Variants in ARHGAP42 observed in about 807,000 individuals in gnomAD.
ARHGAP42 encodes rho GTPase-activating protein 42.
In ARHGAP42, 63 loss-of-function variants were observed where a neutral mutation model predicts 125.0. The ratio of observed to expected loss-of-function variants is 0.50; its 90% CI spans 0.41 to 0.62. The LOEUF is 0.62. Among genes scored for constraint, ARHGAP42 ranks in the 20% least tolerant of loss-of-function variants. The probability of loss-of-function intolerance (pLI) is 0.00; values close to 1 mark genes in which losing one functional copy is unlikely to be tolerated. For missense variants in ARHGAP42, 766 were observed against 1,024.2 expected, an observed-to-expected ratio of 0.75 and a Z score of 3.44; for synonymous variants, 339 against 351.0, an observed-to-expected ratio of 0.97 and a Z score of 0.38.
intron 16 of ARHGAP42, 123 bp downstream of exon 16, chr11:100,962,590 A>C: frequency 1.1e-6 from 1 of 917,116 alleles, no homozygotes; most frequent in Non-Finnish European, 1.6e-6. Context: ...AAAGTTGTTA[A>C]TCTGGGCCGG....
At chr11:100,979,700 T>G (rs1174671332) in intron 22 of ARHGAP42, among the ~76,000 whole-genome samples, 2 of 88,004 alleles carry the variant, frequency 2.3e-5, no homozygotes, top group African/African-American at 9.6e-5. Flanking sequence ...GGCTTTTCAT[T>G]ATTTTTTTTT....
At chr11:100,831,261 G>C (rs991243797) in intron 3 of ARHGAP42, among the ~76,000 whole-genome samples, 1 of 152,004 alleles carries the variant, frequency 6.6e-6, no homozygotes, top group African/African-American at 2.4e-5. Context: ...TCAGTTTACT[G>C]TCATCAGTAT....
rs1266293084 is a variant in ARHGAP42, at chr11:100,695,477, G to A, written c.154+7645G>A. Among the ~76,000 whole-genome samples the A allele has an allele frequency of 3.9e-5, 6 of 152,182 alleles. No homozygotes were observed. In the East Asian group the frequency reaches 1.2e-3, roughly 29 times the overall value. On this transcript the variant is annotated intron_variant, in intron 1 of 23. Transcript: ENST00000298815. ...CATCATCACGCCCAGCTAATTTTTT[G>A]TATTTTTAGTAGAGATGGGGTTTCA...
chr11:100,925,107 C>T (rs1867384517), intron 6 of ARHGAP42, among the ~76,000 whole-genome samples: 1 of 152,008 alleles, frequency 6.6e-6, no homozygotes, highest in Non-Finnish European at 1.5e-5. Flanking sequence ...GCTGGGATTA[C>T]AGGCGTGAGC....
Position 100,738,359 on chromosome 11 carries a change from G to A in ARHGAP42, c.155-31984G>A, listed in dbSNP as rs554163381. 2.0e-5 allele frequency: 3 copies of A among 152,308 alleles called. No individual in the cohort carries two copies. The East Asian group carries it at 5.8e-4, about 29-fold the overall frequency. 9.4% of individuals were successfully genotyped at this position (152,308 alleles called of 1,614,324 possible). On this transcript the variant is annotated intron_variant, in intron 1 of 23. Coordinates refer to ENST00000298815, the MANE Select transcript of ARHGAP42 (RefSeq NM_152432.4). ...GGGCTGCAATTCATTGAAATAACCA[G>A]GAGAAATTGGATGCTGATATTTCAG...
intron 12 of ARHGAP42, among the ~76,000 whole-genome samples, chr11:100,957,309 GA>G (rs894906843): frequency 6.6e-6 from 1 of 150,864 alleles, no homozygotes; most frequent in Non-Finnish European, 1.5e-5. Context: ...GAGCAGATAG[GA>G]AAAAAAAACC....
At chr11:100,732,260 ACTGT>A (rs1243258206) in intron 1 of ARHGAP42, among the ~76,000 whole-genome samples, 1 of 152,072 alleles carries the variant, frequency 6.6e-6, no homozygotes, top group African/African-American at 2.4e-5. Flanking sequence ...CCTGGCCTTA[ACTGT>A]CTTTTTCAAC....
At chr11:100,760,133 G>A (rs1862668858) in intron 1 of ARHGAP42, among the ~76,000 whole-genome samples, 1 of 152,166 alleles carries the variant, frequency 6.6e-6, no homozygotes, top group African/African-American at 2.4e-5. Flanking sequence ...TGTTATTGTA[G>A]CCCCTGGATG....
intron 6 of ARHGAP42, among the ~76,000 whole-genome samples, chr11:100,932,030 A>C (rs1867594742): frequency 6.6e-6 from 1 of 152,220 alleles, no homozygotes; most frequent in Non-Finnish European, 1.5e-5. Context: ...AAAATATAAC[A>C]ACAAAAATGG....
At position 100,936,187 on chromosome 11, in the gene ARHGAP42, T is replaced by C. The variant is rs756324250; in HGVS notation, c.703-16T>C. On this transcript the variant is annotated splice_polypyrimidine_tract_variant and intron_variant, in intron 7 of 23. Transcript: ENST00000298815. The stretch of plus-strand genomic sequence containing the variant: ...TAGAAAATAATGACTGAAATTATTG[T>C]TTCTGTTTACTTAAGACAAGGAATA... 4.5e-6 allele frequency: 7 copies of C among 1,550,758 alleles called. No individual in the cohort carries two copies. The South Asian group carries it at 8.3e-5, about 18-fold the overall frequency.
intron 4 of ARHGAP42, among the ~76,000 whole-genome samples, chr11:100,886,569 A>G (rs1294543232): frequency 6.6e-6 from 1 of 152,250 alleles, no homozygotes; most frequent in African/African-American, 2.4e-5. Context: ...TTGTATAATC[A>G]TCACAAAGAA....
chr11:100,929,756 G>A (rs919482608), intron 6 of ARHGAP42, among the ~76,000 whole-genome samples: 4 of 152,170 alleles, frequency 2.6e-5, no homozygotes, highest in African/African-American at 9.6e-5. Context: ...TAGGTTATTT[G>A]TCTTTTTATT....
In ARHGAP42 at chr11:100,837,692, T is replaced by TA. The variant is rs1565235597; in HGVS notation, c.313-21862_313-21861insA. Among the ~76,000 whole-genome samples, 74 of 137,238 alleles carry TA rather than the reference T, an allele frequency of 5.4e-4. 3 individuals are homozygous for TA. Among genetic ancestry groups the TA allele is most frequent in the Middle Eastern group, 7.6e-3 (2 of 262 alleles). 90.0% of individuals were successfully genotyped at this position (137,238 alleles called of 152,430 possible). A position where few individuals can be genotyped will look rare whatever the true frequency, so the allele number is the denominator to read the frequency against. ...TTTTTTTTTTTTTTTTTTTTTTTTT[T>TA]TTTTTAGTAAATATGCTTAATTTGG... On this transcript the variant is annotated intron_variant, in intron 3 of 23. Coordinates refer to ENST00000298815, the MANE Select transcript of ARHGAP42 (RefSeq NM_152432.4).
At chr11:100,946,037 A>G (rs1591313506) in intron 10 of ARHGAP42, among the ~76,000 whole-genome samples, 2 of 152,224 alleles carry the variant, frequency 1.3e-5, no homozygotes, top group African/African-American at 2.4e-5. Flanking sequence ...GATTGTAGCT[A>G]GATCTTCTGT....
intron 4 of ARHGAP42, among the ~76,000 whole-genome samples, chr11:100,872,668 A>G (rs1865725054): frequency 6.6e-6 from 1 of 152,002 alleles, no homozygotes; most frequent in Admixed American, 6.6e-5. Context: ...GCTGAGATTA[A>G]TGAGATTTTT....
At position 100,802,197 on chromosome 11, in the gene ARHGAP42, G is replaced by A. The variant is rs543123926; in HGVS notation, c.312+7031G>A. On this transcript the variant is annotated intron_variant, in intron 3 of 23. Transcript: ENST00000298815. ...ACTTGGCTTTAAATGCCACCATTTC[G>A]TCTTAGGCTGTTCAAAATTAATTTG... 3.0e-4 allele frequency among the ~76,000 whole-genome samples: 46 copies of A among 152,142 alleles called. No individual in the cohort carries two copies. In the East Asian group the frequency reaches 5.2e-3, roughly 17 times the overall value.
At chr11:100,796,900 G>T (rs1863730591) in intron 3 of ARHGAP42, among the ~76,000 whole-genome samples, 1 of 151,516 alleles carries the variant, frequency 6.6e-6, no homozygotes, top group African/African-American at 2.4e-5. Flanking sequence ...CTCCTGAGTA[G>T]CTGGGATTGT....
intron 1 of ARHGAP42, among the ~76,000 whole-genome samples, chr11:100,762,785 G>A (rs989978472): frequency 2.6e-5 from 4 of 151,994 alleles, no homozygotes; most frequent in African/African-American, 9.7e-5. Flanking sequence ...TTCCCTGAGA[G>A]CACACTAAAA....
chr11:100,975,069 TG>T (rs1292659432), intron 19 of ARHGAP42, among the ~76,000 whole-genome samples: 1 of 152,166 alleles, frequency 6.6e-6, no homozygotes, highest in Non-Finnish European at 1.5e-5. Flanking sequence ...AGCCCTAAGG[TG>T]ATGTGGGTGG....
Sources: allele counts gnomAD v4.1 joint callset (sites outside exome capture counted in the v4.1 genomes callset), GRCh38; gene constraint gnomAD v4.1.1; transcripts MANE v1.5; gene names NCBI Gene and HGNC (gene_info 2026-07-23, HGNC 2026-07-21).